The following ATAD3C variants were observed in gnomAD, a reference collection of about 807,000 sequenced individuals.
ATAD3C encodes ATPase family AAA domain containing 3C.
ATAD3C carries 38 observed loss-of-function variants against 46.3 expected under a neutral mutation model. The observed-to-expected ratio is 0.82, with a 90% CI of 0.63 to 1.08. ATAD3C has a LOEUF of 1.08. Ranked by LOEUF, ATAD3C falls within the 50% of genes least tolerant of loss-of-function variation. ATAD3C has a pLI of 0.00. For missense variants in ATAD3C, 563 were observed against 572.7 expected, an observed-to-expected ratio of 0.98 and a Z score of 0.17; for synonymous variants, 220 against 236.4, an observed-to-expected ratio of 0.93 and a Z score of 0.63.
chr1:1,452,301 C>T, intron 2 of ATAD3C, 64 bp from the exon 3 acceptor site: 1 of 1,611,298 alleles, frequency 6.2e-7, no homozygotes. Context: ...CACCCTCAAC[C>T]TGTTCTTGCT....
chr1:1,463,509 T>C (rs1639102318), intron 11 of ATAD3C, among the ~76,000 whole-genome samples: 1 of 152,060 alleles, frequency 6.6e-6, no homozygotes, highest in African/African-American at 2.4e-5. Flanking sequence ...GGCTGGGTTA[T>C]GCCGCTGTGA....
rs560855406 is a variant in ATAD3C at position 1,465,448 on chromosome 1, G to A, written c.1089+2740G>A. Among the ~76,000 whole-genome samples the A allele has an allele frequency of 6.6e-5, 10 of 151,092 alleles. No individual in the cohort carries two copies. The South Asian group carries it at 1.3e-3, about 19-fold the overall frequency. ...CTGCTAAAAATACAAAAAATTAGCC[G>A]GGCGTGGCGGCAGGTGCCTGTAGTC... On this transcript the variant is annotated intron_variant, in intron 11 of 11. Coordinates refer to ENST00000378785, the MANE Select transcript of ATAD3C (RefSeq NM_001039211.3).
intron 7 of ATAD3C, among the ~76,000 whole-genome samples, chr1:1,456,825 C>A (rs1006514209): frequency 1.3e-5 from 2 of 151,580 alleles, no homozygotes; most frequent in Non-Finnish European, 2.9e-5. Flanking sequence ...GTTGGAACCA[C>A]GATGCTCATG....
At chr1:1,458,074 G>A (rs946784730) in intron 8 of ATAD3C, among the ~76,000 whole-genome samples, 1 of 151,860 alleles carries the variant, frequency 6.6e-6, no homozygotes, top group Admixed American at 6.6e-5. Flanking sequence ...CGCCTCCTGG[G>A]TTCAAGCTGG....
intron 8 of ATAD3C, among the ~76,000 whole-genome samples, chr1:1,457,900 T>C (rs1158487003): frequency 6.6e-6 from 1 of 151,068 alleles, no homozygotes; most frequent in Non-Finnish European, 1.5e-5. Context: ...ATGGTCTAGA[T>C]CTCTTGACCT....
chr1:1,454,135 T>C (rs1638909486), intron 3 of ATAD3C, among the ~76,000 whole-genome samples: 1 of 152,046 alleles, frequency 6.6e-6, no homozygotes, highest in African/African-American at 2.4e-5. Context: ...AAAATGGCCC[T>C]GAGTGAGGGC....
chr1:1,465,907 CACT>C (rs1639135744), intron 11 of ATAD3C, among the ~76,000 whole-genome samples: 1 of 151,898 alleles, frequency 6.6e-6, no homozygotes, highest in Non-Finnish European at 1.5e-5. Context: ...AGTTTTTCAC[CACT>C]GAGTATGTCA....
chr1:1,457,438 C>CA (rs939699790), intron 8 of ATAD3C, among the ~76,000 whole-genome samples: 4 of 150,608 alleles, frequency 2.7e-5, no homozygotes, highest in African/African-American at 7.3e-5. Flanking sequence ...ACTAAAAATA[C>CA]AAAAAAAATT....
chr1:1,452,229 G>A, intron 2 of ATAD3C, 107 bp downstream of exon 2: 2 of 1,579,192 alleles, frequency 1.3e-6, no homozygotes, highest in Non-Finnish European at 1.7e-6. Context: ...GCTGTAGGCT[G>A]GCTCCTTGGT....
At position 1,467,043 on chromosome 1, in the gene ATAD3C, C is replaced by T. The variant is rs560007078; in HGVS notation, c.1090-1341C>T. 8.6e-4 allele frequency among the ~76,000 whole-genome samples: 131 copies of T among 152,122 alleles called. 2 individuals carry two copies. Among genetic ancestry groups the T allele is most frequent in the African/African-American group, 3.0e-3 (125 of 41,520 alleles). ...GTTCCCAGAAAAGTTGCAAGAGTAG[C>T]ACAGAGACTTCCTGGGCCTGGGACC... On this transcript the variant is annotated intron_variant, in intron 11 of 11. Transcript: ENST00000378785.
chr1:1,466,388 T>TA (rs1639142988), intron 11 of ATAD3C, among the ~76,000 whole-genome samples: 1 of 151,334 alleles, frequency 6.6e-6, no homozygotes. Context: ...CTGTCTCTAC[T>TA]AAAAAATATA....
chr1:1,456,976 A>G (rs373537885), intron 7 of ATAD3C, among the ~76,000 whole-genome samples, 153 bp from the exon 8 acceptor site: 74 of 152,120 alleles, frequency 4.9e-4, no homozygotes, highest in African/African-American at 1.7e-3. Flanking sequence ...TCGGTGGATC[A>G]GCTTCTGTCA....
rs1395017925 is a variant in ATAD3C at position 1,460,804 on chromosome 1, T to A, written c.867T>A (p.Asn289Lys). 12 of 1,612,794 alleles carry A rather than the reference T, an allele frequency of 7.4e-6. No homozygotes were observed. The South Asian group carries it at 1.2e-4, about 16-fold the overall frequency. ...CCGAGCAGTTCGACTGGGCCATCAA[T>A]GCCTGCATCGACGTGATGGTCCACT... The part of the protein sequence containing the change: ...CHPEQFDWAI[N>K]ACIDVMVHFD... Residue 289 changes from asparagine to lysine, a missense_variant, in exon 10 of 12, where the codon AAT becomes AAA. By Grantham distance (94) the Asn-to-Lys change is moderately conservative (BLOSUM62 0). Around this residue, in one of 3 missense-constraint regions of ATAD3C, gnomAD observed 273 missense variants for 253.5 expected, o/e 1.08. Transcript: ENST00000378785.
intron 8 of ATAD3C, among the ~76,000 whole-genome samples, 166 bp from the exon 9 acceptor site, chr1:1,458,995 A>G (rs773100092): frequency 6.6e-6 from 1 of 151,788 alleles, no homozygotes; most frequent in African/African-American, 2.4e-5. Flanking sequence ...TCCAGGTTAC[A>G]TTCGTGAGTC....
At chr1:1,463,414 A>G (rs934561411) in intron 11 of ATAD3C, among the ~76,000 whole-genome samples, 3 of 152,122 alleles carry the variant, frequency 2.0e-5, no homozygotes, top group African/African-American at 7.2e-5. Context: ...GCAGCACATT[A>G]TGTGTGACAG....
Position 1,454,399 on chromosome 1 carries a change from G to A in ATAD3C, c.277G>A (p.Ala93Thr). The A allele has an allele frequency of 6.2e-7, 1 of 1,603,976 alleles. No homozygotes were observed. The highest frequency in any genetic ancestry group is 8.5e-7 in the Non-Finnish European group (1 of 1,176,992). The change falls in exon 4 of 12, where the codon GCC (alanine) becomes ACC (threonine). Residue 93 changes from alanine (A) to threonine (T), a missense_variant. This residue lies in a region of ATAD3C where 263 missense variants were observed against 243.1 expected (regional missense o/e 1.08). Coordinates refer to ENST00000378785, the MANE Select transcript of ATAD3C (RefSeq NM_001039211.3). ...VGVYSAKNAT[A>T]VTGRYIEARL... ...GGTCTACTCAGCCAAGAATGCGACAGCCGTCACTGGCCGCTACATCGAGGC... is the reference window on the plus strand; with the variant it reads ...GGTCTACTCAGCCAAGAATGCGACAACCGTCACTGGCCGCTACATCGAGGC...
Position 1,456,253 on chromosome 1 carries a change from A to G in ATAD3C, c.593A>G (p.Tyr198Cys). ...KKLALHSGMD[Y>C]AIMTGGDVAP... is the part of the protein sequence containing the mutation. ...CTCGCCCTGCACTCAGGCATGGACT[A>G]CGCCATCATGACAGGCGGGGACGTG... The change falls in exon 7 of 12, where the codon TAC becomes TGC. Residue 198 changes from tyrosine (Y) to cysteine (C), a missense_variant. Transcript: ENST00000378785. 1 of 1,491,070 alleles carries G rather than the reference A, an allele frequency of 6.7e-7. No individual in the cohort carries two copies. Among genetic ancestry groups the G allele is most frequent in the Non-Finnish European group, 8.8e-7 (1 of 1,141,954 alleles). 92.4% of individuals were successfully genotyped at this position (1,491,070 alleles called of 1,614,324 possible). A position where few individuals can be genotyped will look rare whatever the true frequency, so the allele number is the denominator to read the frequency against.
At chr1:1,453,823 T>C (rs1435018223) in intron 3 of ATAD3C, among the ~76,000 whole-genome samples, 1 of 151,700 alleles carries the variant, frequency 6.6e-6, no homozygotes, top group East Asian at 1.9e-4. Flanking sequence ...GTATTTTTAG[T>C]AGAGACGGGG....
In ATAD3C at chr1:1,460,933, C is replaced by T. The variant is rs757670811; in HGVS notation, c.980+16C>T. ...AAGGAAAGCGGTAAGTGTCCCGCCC[C>T]ACCAGCCCCCGTCCAGGGGCCCTCG... On this transcript the variant is annotated intron_variant, in intron 10 of 11. Coordinates refer to ENST00000378785, the MANE Select transcript of ATAD3C (RefSeq NM_001039211.3). 18 of 1,593,182 alleles carry T rather than the reference C, an allele frequency of 1.1e-5. 1 individual carries two copies. The East Asian group carries it at 3.2e-4, about 28-fold the overall frequency.
Sources: allele counts gnomAD v4.1 joint callset (sites outside exome capture counted in the v4.1 genomes callset), GRCh38; gene constraint gnomAD v4.1.1; regional missense constraint gnomAD v4.1.1; transcripts MANE v1.5; gene names NCBI Gene and HGNC (gene_info 2026-07-23, HGNC 2026-07-21).